The following CNTN4 variants were observed in gnomAD, a reference collection of about 807,000 sequenced individuals.
CNTN4 encodes contactin-4.
CNTN4 carries 77 observed loss-of-function variants against 122.5 expected under a neutral mutation model. The observed-to-expected ratio is 0.63, with a 90% CI of 0.52 to 0.76. CNTN4 has a LOEUF of 0.76. Among genes scored for constraint, CNTN4 ranks in the 30% least tolerant of loss-of-function variants. The pLI is 0.00. For missense variants in CNTN4, 1,256 were observed against 1,259.1 expected, an observed-to-expected ratio of 1.00 and a Z score of 0.04; for synonymous variants, 512 against 447.0, an observed-to-expected ratio of 1.15 and a Z score of -1.83.
chr3:3,041,101 G>A (rs2125773211), intron 20 of CNTN4: 1 of 152,318 alleles, frequency 6.6e-6, no homozygotes, highest in Non-Finnish European at 1.5e-5. Flanking sequence ...TACCTTTGGA[G>A]TTCGTCTATG....
chr3:2,846,842 C>A (rs1352906304), intron 7 of CNTN4, among the ~76,000 whole-genome samples: 1 of 152,020 alleles, frequency 6.6e-6, no homozygotes, highest in Non-Finnish European at 1.5e-5. Flanking sequence ...ACTAAAAATA[C>A]AAAATTAGCT....
intron 2 of CNTN4, among the ~76,000 whole-genome samples, chr3:2,267,033 G>A (rs1163543317): frequency 6.6e-6 from 1 of 152,060 alleles, no homozygotes; most frequent in Non-Finnish European, 1.5e-5. Context: ...GTTATGTCTT[G>A]TAAAGAAAGA....
At chr3:2,707,041 T>C (rs1337856776) in intron 4 of CNTN4, among the ~76,000 whole-genome samples, 1 of 152,054 alleles carries the variant, frequency 6.6e-6, no homozygotes, top group Non-Finnish European at 1.5e-5. Context: ...GGCTCATGCT[T>C]GTAGTCCCAG....
At chr3:2,642,627 T>G (rs957228894) in intron 4 of CNTN4, among the ~76,000 whole-genome samples, 4 of 152,212 alleles carry the variant, frequency 2.6e-5, no homozygotes, top group African/African-American at 7.2e-5. Flanking sequence ...TACATTCTTG[T>G]GTATATTGGT....
chr3:2,644,164 A>G (rs1013183524), intron 4 of CNTN4, among the ~76,000 whole-genome samples: 1 of 152,102 alleles, frequency 6.6e-6, no homozygotes. Flanking sequence ...CCAGGTAGGG[A>G]AGGGCAGATA....
chr3:3,045,989 T>C (rs1227455333), intron 23 of CNTN4, among the ~76,000 whole-genome samples: 1 of 152,142 alleles, frequency 6.6e-6, no homozygotes, highest in Non-Finnish European at 1.5e-5. Context: ...AGGCACAAGC[T>C]TCAGTAGCCA....
rs575772558 is a variant in CNTN4 at position 2,426,924 on chromosome 3, T to C, written c.-89+87691T>C. On this transcript the variant is annotated intron_variant, in intron 3 of 24. Coordinates refer to ENST00000418658, the MANE Select transcript of CNTN4 (RefSeq NM_175607.3). ...GTGGGATCATTAATGATATCCCCTTTATCTTTTTTTATTACGTCTATTTGA... is the reference window on the plus strand; with the variant it reads ...GTGGGATCATTAATGATATCCCCTTCATCTTTTTTTATTACGTCTATTTGA... Among the ~76,000 whole-genome samples the C allele has an allele frequency of 3.9e-5, 6 of 152,346 alleles. No homozygotes were observed. In the South Asian group the frequency reaches 1.2e-3, roughly 32 times the overall value.
chr3:2,695,746 A>G (rs760006753), intron 4 of CNTN4, among the ~76,000 whole-genome samples: 7 of 152,234 alleles, frequency 4.6e-5, no homozygotes, highest in Non-Finnish European at 8.8e-5. Context: ...GAGATAAGCA[A>G]TGGGTACTGT....
intron 3 of CNTN4, among the ~76,000 whole-genome samples, chr3:2,502,714 T>G (rs1419514428): frequency 6.6e-6 from 1 of 152,188 alleles, no homozygotes; most frequent in African/African-American, 2.4e-5. Flanking sequence ...GAACTTTACC[T>G]TCATTTTACA....
intron 3 of CNTN4, among the ~76,000 whole-genome samples, chr3:2,391,999 G>A (rs554279010): frequency 7.2e-5 from 11 of 152,210 alleles, no homozygotes; most frequent in African/African-American, 2.4e-4. Flanking sequence ...CAATATGTTA[G>A]AATTATTGTA....
intron 3 of CNTN4, among the ~76,000 whole-genome samples, chr3:2,359,525 C>T (rs2045025509): frequency 6.6e-6 from 1 of 152,024 alleles, no homozygotes; most frequent in South Asian, 2.1e-4. Flanking sequence ...TAACTGAAAT[C>T]ATGTATATAT....
chr3:2,411,596 C>T (rs1271481249), intron 3 of CNTN4, among the ~76,000 whole-genome samples: 1 of 152,042 alleles, frequency 6.6e-6, no homozygotes, highest in Non-Finnish European at 1.5e-5. Context: ...TCCAAAATTC[C>T]CAGTACTTTC....
intron 2 of CNTN4, among the ~76,000 whole-genome samples, chr3:2,222,105 T>A (rs2039082667): frequency 6.6e-6 from 1 of 152,174 alleles, no homozygotes; most frequent in Non-Finnish European, 1.5e-5. Context: ...GTATGAATGT[T>A]TATAACAGCA....
At chr3:2,469,674 G>C (rs561747163) in intron 3 of CNTN4, among the ~76,000 whole-genome samples, 2 of 152,272 alleles carry the variant, frequency 1.3e-5, no homozygotes, top group African/African-American at 4.8e-5. Flanking sequence ...TTTTCACCTA[G>C]TTTATAGAAG....
chr3:2,676,077 T>C (rs2084827141), intron 4 of CNTN4, among the ~76,000 whole-genome samples: 1 of 152,212 alleles, frequency 6.6e-6, no homozygotes, highest in Admixed American at 6.5e-5. Context: ...TACACTGGAC[T>C]ATTACTGCCT....
chr3:2,531,940 A>G (rs554504961), intron 3 of CNTN4, among the ~76,000 whole-genome samples: 4 of 152,190 alleles, frequency 2.6e-5, no homozygotes, highest in Non-Finnish European at 5.9e-5. Context: ...TTTCAACCTT[A>G]TACACATTTT....
intron 3 of CNTN4, among the ~76,000 whole-genome samples, chr3:2,401,540 T>G (rs1336253977): frequency 6.6e-6 from 1 of 152,284 alleles, no homozygotes; most frequent in East Asian, 1.9e-4. Flanking sequence ...TTTATTTTTT[T>G]CTGTAAAATA....
At chr3:2,375,715 G>A (rs899884710) in intron 3 of CNTN4, among the ~76,000 whole-genome samples, 1 of 152,106 alleles carries the variant, frequency 6.6e-6, no homozygotes, top group Non-Finnish European at 1.5e-5. Context: ...TCAGTCTTCA[G>A]TCACTATTTT....
chr3:2,271,837 T>C lies in CNTN4; in HGVS notation c.-144-67341T>C, dbSNP rs2041311459. Among the ~76,000 whole-genome samples the C allele has an allele frequency of 2.6e-5, 4 of 152,184 alleles. No homozygotes were observed. In the South Asian group the frequency reaches 8.3e-4, roughly 31 times the overall value. ...TGAGATTTATTCATCAATAAACACC[T>C]TTTTGTAATCCAGAATCATGTTATG... On this transcript the variant is annotated intron_variant, in intron 2 of 24. Coordinates refer to ENST00000418658, the MANE Select transcript of CNTN4 (RefSeq NM_175607.3).
Sources: gnomAD v4.1 joint callset for allele counts (sites outside exome capture counted in the v4.1 genomes callset) on GRCh38, gnomAD v4.1.1 for gene constraint, MANE v1.5 for transcripts, NCBI Gene and HGNC (gene_info 2026-07-23, HGNC 2026-07-21) for gene names.